Variants in ARMH3 observed in about 807,000 individuals in gnomAD.
The protein encoded by ARMH3 is armadillo like helical domain containing 3, also known as armadillo-like helical domain-containing protein 3.
Under a neutral mutation model 99.1 loss-of-function variants are expected in ARMH3, and 60 were observed. That is an observed-to-expected ratio of 0.61 (90% confidence interval 0.49 to 0.75). ARMH3 has a LOEUF of 0.75. Among genes scored for constraint, ARMH3 ranks in the 30% least tolerant of loss-of-function variants. ARMH3 has a pLI of 0.00. For synonymous variants in ARMH3, 285 were observed against 292.8 expected (o/e 0.97, Z 0.27); for missense variants, 679 against 843.1 (o/e 0.81, Z 2.41).
intron 23 of ARMH3, among the ~76,000 whole-genome samples, chr10:101,930,214 C>T (rs147739555): frequency 1.3e-5 from 2 of 151,730 alleles, no homozygotes; most frequent in Non-Finnish European, 1.5e-5. Flanking sequence ...AAATAGAAAC[C>T]ACAAAATCAT....
chr10:101,902,997 T>C (rs749241957), intron 23 of ARMH3, among the ~76,000 whole-genome samples: 6 of 152,182 alleles, frequency 3.9e-5, no homozygotes, highest in Non-Finnish European at 7.4e-5. Flanking sequence ...TATAATTGTT[T>C]TATGCTCACA....
intron 24 of ARMH3, among the ~76,000 whole-genome samples, chr10:101,850,920 G>T (rs1442414286): frequency 6.6e-6 from 1 of 152,200 alleles, no homozygotes; most frequent in Admixed American, 6.5e-5. Flanking sequence ...GGCTGTCACA[G>T]TTGCTGAGTA....
chr10:101,928,659 G>A (rs1843599362), intron 23 of ARMH3, among the ~76,000 whole-genome samples: 1 of 152,092 alleles, frequency 6.6e-6, no homozygotes, highest in Non-Finnish European at 1.5e-5. Flanking sequence ...AGAGAGAGAG[G>A]CCTTGTCTCT....
chr10:101,992,370 T>C (rs1248630786), intron 17 of ARMH3, among the ~76,000 whole-genome samples: 1 of 152,120 alleles, frequency 6.6e-6, no homozygotes, highest in Non-Finnish European at 1.5e-5. Flanking sequence ...AGAGGTACAC[T>C]GGTGTTTTTC....
At chr10:101,972,457 A>C (rs573916032) in intron 20 of ARMH3, among the ~76,000 whole-genome samples, 44 of 152,324 alleles carry the variant, frequency 2.9e-4, no homozygotes, top group African/African-American at 1.1e-3. Flanking sequence ...ATATACACAT[A>C]AGCATATTTG....
intron 24 of ARMH3, among the ~76,000 whole-genome samples, chr10:101,863,464 T>C (rs575979580): frequency 6.6e-6 from 1 of 152,316 alleles, no homozygotes; most frequent in Admixed American, 6.5e-5. Context: ...AAGGTTTCCA[T>C]ACTACTTTCA....
At chr10:102,047,893 C>A (rs938933977) in intron 1 of ARMH3, among the ~76,000 whole-genome samples, 3 of 152,170 alleles carry the variant, frequency 2.0e-5, no homozygotes, top group African/African-American at 7.2e-5. Context: ...TTGATTGTCA[C>A]AACTGGGAGA....
intron 22 of ARMH3, among the ~76,000 whole-genome samples, chr10:101,944,674 C>G (rs976177115): frequency 6.6e-5 from 10 of 152,014 alleles, no homozygotes; most frequent in African/African-American, 2.2e-4. Flanking sequence ...ATTAGCCAAC[C>G]ATGGTGGTGC....
chr10:101,932,339 A>T (rs569963237), intron 23 of ARMH3, among the ~76,000 whole-genome samples: 5 of 152,372 alleles, frequency 3.3e-5, no homozygotes, highest in African/African-American at 1.2e-4. Context: ...AACATGGTGC[A>T]GCCACTTTGA....
chr10:101,951,481 G>A (rs1844785169), intron 22 of ARMH3, among the ~76,000 whole-genome samples: 1 of 152,196 alleles, frequency 6.6e-6, no homozygotes, highest in African/African-American at 2.4e-5. Context: ...GCCAAGGTGG[G>A]AGGACTGCTT....
chr10:102,010,060 G>A, intron 11 of ARMH3, 37 bp from the exon 12 acceptor site: 1 of 1,583,846 alleles, frequency 6.3e-7, no homozygotes. Flanking sequence ...CTTATAGCAG[G>A]AGGATATGAG....
chr10:101,991,865 T>C, intron 18 of ARMH3, 104 bp downstream of exon 18: 1 of 1,151,612 alleles, frequency 8.7e-7, no homozygotes. Flanking sequence ...CAACTAATAA[T>C]TTATTTGCGG....
At chr10:101,979,553 T>C (rs531602393) in intron 19 of ARMH3, among the ~76,000 whole-genome samples, 67 of 152,256 alleles carry the variant, frequency 4.4e-4, no homozygotes, top group African/African-American at 1.5e-3. Flanking sequence ...CAAGGGTCGA[T>C]TGAAAATGGT....
intron 8 of ARMH3, among the ~76,000 whole-genome samples, chr10:102,018,619 G>A (rs947387064): frequency 6.6e-6 from 1 of 152,156 alleles, no homozygotes; most frequent in Admixed American, 6.5e-5. Flanking sequence ...TGATAATGGT[G>A]TAAAGAAACC....
chr10:101,949,352 GA>G (rs1013060602), intron 22 of ARMH3, among the ~76,000 whole-genome samples: 36 of 133,996 alleles, frequency 2.7e-4, no homozygotes, highest in East Asian at 6.3e-4. Flanking sequence ...AACTGATGAA[GA>G]AAAAAAAAAA....
chr10:101,850,355 T>G (rs1209936973), intron 24 of ARMH3, among the ~76,000 whole-genome samples: 3 of 151,464 alleles, frequency 2.0e-5, no homozygotes, highest in Non-Finnish European at 2.9e-5. Context: ...TGCCTTGGCC[T>G]CCCAAAGTGC....
intron 18 of ARMH3, among the ~76,000 whole-genome samples, chr10:101,991,419 C>T (rs1846787067): frequency 6.6e-6 from 1 of 151,850 alleles, no homozygotes; most frequent in African/African-American, 2.4e-5. Context: ...GATGCAGTCT[C>T]GCCCCAGCTG....
chr10:102,029,659 G>A lies in ARMH3; in HGVS notation c.393C>T (p.Asp131=). 1.2e-6 allele frequency: 2 copies of A among 1,614,198 alleles called. No homozygotes were observed. The highest frequency in any genetic ancestry group is 4.5e-5 in the East Asian group (2 of 44,892). The part of the protein sequence containing the change: ...FDIINMLMGF[D]KAELCMKNLM... ...TCACCTTCATGCACAGCTCCGCCTT[G>A]TCAAAGCCCATCAGCATGTTGATAA... The change falls in exon 5 of 26, where the codon GAC becomes GAT. Residue 131 remains aspartate (D), a synonymous_variant. Transcript: ENST00000370033.
intron 15 of ARMH3, among the ~76,000 whole-genome samples, chr10:101,997,461 G>A (rs1307429378): frequency 4.0e-5 from 6 of 150,774 alleles, no homozygotes; most frequent in Admixed American, 3.3e-4. Flanking sequence ...GCATGGTGGC[G>A]CAAGCCTGTA....
Sources: allele counts gnomAD v4.1 joint callset (sites outside exome capture counted in the v4.1 genomes callset), GRCh38; gene constraint gnomAD v4.1.1; transcripts MANE v1.5; gene names NCBI Gene and HGNC (gene_info 2026-07-23, HGNC 2026-07-21).